ATP1A1: variants seen among roughly 807,000 people sequenced by gnomAD.
The protein encoded by ATP1A1 is sodium/potassium-transporting ATPase subunit alpha-1.
ATP1A1 carries 14 observed loss-of-function variants against 114.8 expected under a neutral mutation model. The observed-to-expected ratio is 0.12, with a 90% CI of 0.08 to 0.19. The LOEUF (loss-of-function observed/expected upper bound fraction) is 0.19, where lower values mean the gene tolerates loss of function less well. Among genes scored for constraint, ATP1A1 ranks in the 10% least tolerant of loss-of-function variants. ATP1A1 has a pLI of 1.00. For missense variants in ATP1A1, 524 were observed against 1,290.7 expected (o/e 0.41, Z 9.10); for synonymous variants, 471 against 466.3 (o/e 1.01, Z -0.13).
chr1:116,396,457 T>C (rs1398098591), intron 13 of ATP1A1, 141 bp from the exon 14 acceptor site: 10 of 1,089,306 alleles, frequency 9.2e-6, no homozygotes. Flanking sequence ...AATCGATGTT[T>C]ATTAGTTTTA....
chr1:116,384,158 T>C lies in ATP1A1; in HGVS notation c.123+34T>C. On this transcript the variant is annotated intron_variant, in intron 2 of 22. Transcript: ENST00000295598. The surrounding 1 kb of genome is among the most constrained non-coding windows in gnomAD (Gnocchi z 5.1). Reference sequence around the variant, plus strand: ...TAGGAGGAATATTGTATTCCATCCTTATTAAAAATCCATGATTTTTAATCC... The same window carrying C: ...TAGGAGGAATATTGTATTCCATCCTCATTAAAAATCCATGATTTTTAATCC... 1 of 1,560,820 alleles carries C rather than the reference T, an allele frequency of 6.4e-7. No individual in the cohort carries two copies. Among genetic ancestry groups the C allele is most frequent in the South Asian group, 1.1e-5 (1 of 88,990 alleles).
Position 116,373,482 on chromosome 1 carries a change from A to G in ATP1A1, c.-30A>G. 5 of 1,488,166 alleles carry G rather than the reference A, an allele frequency of 3.4e-6. No individual in the cohort carries two copies. The highest frequency in any genetic ancestry group is 4.5e-6 in the Non-Finnish European group (5 of 1,117,290). The allele number at this position is 1,488,166 out of a possible 1,614,324, so 92.2% of individuals were successfully genotyped here. ...TTCTCTCTGATTCTCCAGCGACAGGACCCGGCGCCGGGCACTGAGCACCGC... is the reference window on the plus strand; with the variant it reads ...TTCTCTCTGATTCTCCAGCGACAGGGCCCGGCGCCGGGCACTGAGCACCGC... On this transcript the variant is annotated 5_prime_UTR_variant, in exon 1 of 23. Coordinates refer to ENST00000295598, the MANE Select transcript of ATP1A1 (RefSeq NM_000701.8).
chr1:116,374,373 A>G, intron 1 of ATP1A1: 4 of 1,353,068 alleles, frequency 3.0e-6, no homozygotes, highest in Non-Finnish European at 4.1e-6. Context: ...GAAGGAGGAT[A>G]GGCAGACCCA....
intron 21 of ATP1A1, chr1:116,402,012 C>T (rs1653525129): frequency 4.6e-6 from 1 of 217,244 alleles, no homozygotes; most frequent in Admixed American, 5.3e-5. Flanking sequence ...GGCGCCCAGG[C>T]TCAAATCTTG....
intron 14 of ATP1A1, 69 bp downstream of exon 14, chr1:116,396,803 G>A (rs1259437795): frequency 2.1e-5 from 31 of 1,484,590 alleles, no homozygotes; most frequent in Admixed American, 4.7e-5. Flanking sequence ...AATCTTCAGC[G>A]TGGTTCTATA....
chr1:116,399,062 G>T lies in ATP1A1; in HGVS notation c.2426G>T (p.Cys809Phe), dbSNP rs1242082318. ...PLPLGTVTIL[C>F]IDLGTDMVPA... Reference sequence around the variant, plus strand: ...CCACTGGGGACTGTCACCATCCTCTGCATTGACTTGGGCACTGACATGGTG... The same window carrying T: ...CCACTGGGGACTGTCACCATCCTCTTCATTGACTTGGGCACTGACATGGTG... Residue 809 changes from cysteine (C) to phenylalanine (F), a missense_variant, in exon 17 of 23, where the codon TGC (cysteine) becomes TTC (phenylalanine). Around this residue, in one of 8 missense-constraint regions of ATP1A1, gnomAD observed 36 missense variants for 199.6 expected, o/e 0.18. Transcript: ENST00000295598. This position sits in a 1 kb window ranked among gnomAD's most constrained non-coding sequence, Gnocchi z 5.0. 6.2e-7 allele frequency: 1 copy of T among 1,614,142 alleles called. No homozygotes were observed.
Position 116,389,304 on chromosome 1 carries a change from A to G in ATP1A1, c.755-135A>G, listed in dbSNP as rs1570956578. 8.3e-7 allele frequency: 1 copy of G among 1,198,562 alleles called. No individual in the cohort carries two copies. The highest frequency in any genetic ancestry group is 1.5e-5 in the African/African-American group (1 of 65,790). 74.2% of individuals were successfully genotyped at this position (1,198,562 alleles called of 1,614,324 possible). A position where few individuals can be genotyped will look rare whatever the true frequency, so the allele number is the denominator to read the frequency against. On this transcript the variant is annotated intron_variant, in intron 7 of 22. Coordinates refer to ENST00000295598, the MANE Select transcript of ATP1A1 (RefSeq NM_000701.8). The surrounding 1 kb of genome is among the most constrained non-coding windows in gnomAD (Gnocchi z 6.9). ...CCTTTGCCAAACAGCATGTACAGCC[A>G]AAGAGCTGGCCCTTAAAAAGTGCTT...
chr1:116,374,532 C>T (rs1392448364), intron 1 of ATP1A1, among the ~76,000 whole-genome samples: 5 of 152,162 alleles, frequency 3.3e-5, no homozygotes, highest in Admixed American at 6.5e-5. Context: ...GAGAGCGGCG[C>T]GGAGCGTGGT....
At chr1:116,382,371 C>T (rs930363788) in intron 1 of ATP1A1, 1 of 151,824 alleles carries the variant, frequency 6.6e-6, no homozygotes, top group Non-Finnish European at 1.5e-5. Flanking sequence ...TTTATTTGTC[C>T]ACTTGTATGT....
At position 116,387,004 on chromosome 1, in the gene ATP1A1, A is replaced by T. The variant is rs1004079033; in HGVS notation, c.184-284A>T. On this transcript the variant is annotated intron_variant, in intron 3 of 22. Transcript: ENST00000295598. This position sits in a 1 kb window ranked among gnomAD's most constrained non-coding sequence, Gnocchi z 6.7. ...GCATTAATCCCTTGATCTAAAACTT[A>T]GAAGAAACCAGGCTGAATTCAAATT... 6.6e-6 allele frequency among the ~76,000 whole-genome samples: 1 copy of T among 152,218 alleles called. No individual in the cohort carries two copies. Among genetic ancestry groups the T allele is most frequent in the Non-Finnish European group, 1.5e-5 (1 of 68,044 alleles).
chr1:116,389,044 G>C lies in ATP1A1; in HGVS notation c.754+25G>C. On this transcript the variant is annotated intron_variant, in intron 7 of 22. Coordinates refer to ENST00000295598, the MANE Select transcript of ATP1A1 (RefSeq NM_000701.8). The surrounding 1 kb of genome is among the most constrained non-coding windows in gnomAD (Gnocchi z 6.9). ...GGTAGGCCATTTTTGGGCACTTTGA[G>C]CATGGCGTGGTATTTCTCTTGGGCA... is the stretch of plus-strand genomic sequence containing the variant. The C allele has an allele frequency of 6.3e-7, 1 of 1,578,704 alleles. No homozygotes were observed. Among genetic ancestry groups the C allele is most frequent in the Non-Finnish European group, 8.7e-7 (1 of 1,148,494 alleles).
chr1:116,384,961 G>A lies in ATP1A1; in HGVS notation c.183+119G>A. 1.1e-6 allele frequency: 1 copy of A among 942,876 alleles called. No homozygotes were observed. The highest frequency in any genetic ancestry group is 1.7e-6 in the Non-Finnish European group (1 of 593,590). The allele number at this position is 942,876 out of a possible 1,614,324, so 58.4% of individuals were successfully genotyped here. A position where few individuals can be genotyped will look rare whatever the true frequency, so the allele number is the denominator to read the frequency against. ...AGTAAGAAAATGACAGACACCATCT[G>A]CGTATCTACCATGTGACATGCACAG... On this transcript the variant is annotated intron_variant, in intron 3 of 22. Coordinates refer to ENST00000295598, the MANE Select transcript of ATP1A1 (RefSeq NM_000701.8). The surrounding 1 kb of genome is among the most constrained non-coding windows in gnomAD (Gnocchi z 5.1).
intron 1 of ATP1A1, among the ~76,000 whole-genome samples, chr1:116,382,083 G>C (rs1386656315): frequency 6.6e-6 from 1 of 152,140 alleles, no homozygotes; most frequent in Non-Finnish European, 1.5e-5. Context: ...GCTGAAGCAG[G>C]GAATTGCTTG....
intron 1 of ATP1A1, 27 bp downstream of exon 1, chr1:116,373,550 G>A: frequency 6.9e-7 from 1 of 1,439,924 alleles, no homozygotes. Context: ...CCCGGGGAGG[G>A]GGCTCGGGGA....
In ATP1A1 at chr1:116,404,474, G is replaced by A; in HGVS notation, c.*30G>A. On this transcript the variant is annotated 3_prime_UTR_variant, in exon 23 of 23. Coordinates refer to ENST00000295598, the MANE Select transcript of ATP1A1 (RefSeq NM_000701.8). This position sits in a 1 kb window ranked among gnomAD's most constrained non-coding sequence, Gnocchi z 4.8. ...CCGTCCTGCACGCCGTGGAGCATCA[G>A]GCCACACACTCTGCATCCGACACCC... 6.3e-7 allele frequency: 1 copy of A among 1,598,744 alleles called. No individual in the cohort carries two copies. The highest frequency in any genetic ancestry group is 8.5e-7 in the Non-Finnish European group (1 of 1,175,256).
rs1652265442 is a variant in ATP1A1 at position 116,388,831 on chromosome 1, T to G, written c.636+59T>G. The G allele has an allele frequency of 5.0e-6, 8 of 1,612,864 alleles. No individual in the cohort carries two copies. The South Asian group carries it at 8.8e-5, about 18-fold the overall frequency. ...GCTCTGCTGTTCGGGCAGCTTGATTTGAGGGGTACAGTAGCCCATGATAAG... is the reference window on the plus strand; with the variant it reads ...GCTCTGCTGTTCGGGCAGCTTGATTGGAGGGGTACAGTAGCCCATGATAAG... On this transcript the variant is annotated intron_variant, in intron 6 of 22. Coordinates refer to ENST00000295598, the MANE Select transcript of ATP1A1 (RefSeq NM_000701.8). The surrounding 1 kb of genome is among the most constrained non-coding windows in gnomAD (Gnocchi z 5.6).
At position 116,381,204 on chromosome 1, in the gene ATP1A1, T is replaced by C. The variant is rs1651721186; in HGVS notation, c.13-2810T>C. ...GTTGATTGAGGAAATGCCGTATTTA[T>C]CATTCACCCTTCCCATGACCTTTGT... On this transcript the variant is annotated intron_variant, in intron 1 of 22. Transcript: ENST00000295598. The surrounding 1 kb of genome is among the most constrained non-coding windows in gnomAD (Gnocchi z 5.1). Among the ~76,000 whole-genome samples, 1 of 152,228 alleles carries C rather than the reference T, an allele frequency of 6.6e-6. No homozygotes were observed. Among genetic ancestry groups the C allele is most frequent in the Non-Finnish European group, 1.5e-5 (1 of 68,048 alleles).
At chr1:116,373,823 A>C in intron 1 of ATP1A1, 1 of 1,057,356 alleles carries the variant, frequency 9.5e-7, no homozygotes, top group East Asian at 5.2e-5. Flanking sequence ...GGGCTCCGAG[A>C]GGCGGTGCTT....
In ATP1A1 at chr1:116,397,811, A is replaced by G. The variant is rs1242898100; in HGVS notation, c.1974-77A>G. 1.3e-6 allele frequency: 2 copies of G among 1,506,694 alleles called. No homozygotes were observed. Among genetic ancestry groups the G allele is most frequent in the Admixed American group, 2.0e-5 (1 of 50,740 alleles). 93.3% of individuals were successfully genotyped at this position (1,506,694 alleles called of 1,614,324 possible). ...TGTTTACAAAGTGATCTGCATAAGA[A>G]TATCCCCTCTTGAGGTGATGGACAC... On this transcript the variant is annotated intron_variant, in intron 14 of 22. Coordinates refer to ENST00000295598, the MANE Select transcript of ATP1A1 (RefSeq NM_000701.8). The surrounding 1 kb of genome is among the most constrained non-coding windows in gnomAD (Gnocchi z 4.2).
Sources: gnomAD v4.1 joint callset for allele counts (sites outside exome capture counted in the v4.1 genomes callset) on GRCh38, gnomAD v4.1.1 for gene constraint, gnomAD v4.1.1 regional missense constraint, Gnocchi (gnomAD v3.1) non-coding constraint, MANE v1.5 for transcripts, NCBI Gene and HGNC (gene_info 2026-07-23, HGNC 2026-07-21) for gene names.